Variants in ADAMTSL1 observed in about 807,000 individuals in gnomAD.
The protein encoded by ADAMTSL1 is ADAMTS like 1.
In ADAMTSL1, 126 loss-of-function variants were observed where a neutral mutation model predicts 201.8. That is an observed-to-expected ratio of 0.62 (90% CI 0.54 to 0.72). ADAMTSL1 has a LOEUF of 0.72. Ranked by LOEUF, ADAMTSL1 falls within the 30% of genes least tolerant of loss-of-function variation. The pLI, the probability that ADAMTSL1 is intolerant of heterozygous loss-of-function variation, is 0.00. For synonymous variants in ADAMTSL1, 1,121 were observed against 903.4 expected (o/e 1.24, Z -4.32); for missense variants, 2,679 against 2,277.8 (o/e 1.18, Z -3.59).
In ADAMTSL1 at chr9:18,344,072, C is replaced by T. The variant is rs187694667; in HGVS notation, c.208-160757C>T. Among the ~76,000 whole-genome samples, 324 of 152,242 alleles carry T rather than the reference C, an allele frequency of 2.1e-3. 1 individual carries two copies. Among genetic ancestry groups the T allele is most frequent in the Middle Eastern group, 0.014 (4 of 294 alleles). Reference sequence around the variant, plus strand: ...CTTTTTCAAAAAAACCATTAGATAACAGTCCTAAAGGCTGTCTATGCAGTC... The same window carrying T: ...CTTTTTCAAAAAAACCATTAGATAATAGTCCTAAAGGCTGTCTATGCAGTC... On this transcript the variant is annotated intron_variant, in intron 2 of 29. Coordinates refer to the ADAMTSL1 transcript ENST00000680146.
chr9:18,188,217 T>C (rs1398701108), intron 2 of ADAMTSL1, among the ~76,000 whole-genome samples: 1 of 152,146 alleles, frequency 6.6e-6, no homozygotes, highest in African/African-American at 2.4e-5. Context: ...ATGTAAAATC[T>C]GGAGTTGATT....
intron 2 of ADAMTSL1, among the ~76,000 whole-genome samples, chr9:18,313,950 C>T (rs553482952): frequency 8.5e-5 from 13 of 152,154 alleles, no homozygotes; most frequent in African/African-American, 2.9e-4. Context: ...GGTTAATATA[C>T]AAAACATATA....
In ADAMTSL1 at chr9:18,352,039, A is replaced by G. The variant is rs545324902; in HGVS notation, c.208-152790A>G. ...GATGGGATTTCTTGTCCTAGTAGCTATGTAGTGGCTAGGGTTTAACAAACT... is the reference window on the plus strand; with the variant it reads ...GATGGGATTTCTTGTCCTAGTAGCTGTGTAGTGGCTAGGGTTTAACAAACT... On this transcript the variant is annotated intron_variant, in intron 2 of 29. Coordinates refer to the ADAMTSL1 transcript ENST00000680146. 2.0e-4 allele frequency among the ~76,000 whole-genome samples: 31 copies of G among 152,214 alleles called. No homozygotes were observed. The South Asian group carries it at 6.2e-3, about 31-fold the overall frequency.
At chr9:18,714,893 A>C (rs1221032653) in intron 14 of ADAMTSL1, among the ~76,000 whole-genome samples, 3 of 150,454 alleles carry the variant, frequency 2.0e-5, no homozygotes, top group Non-Finnish European at 4.5e-5. Context: ...CAAAAAGCTT[A>C]TCCACCATGA....
upstream of ADAMTSL1, among the ~76,000 whole-genome samples, chr9:18,473,022 T>C (rs1158191390): frequency 1.3e-5 from 2 of 152,194 alleles, no homozygotes; most frequent in East Asian, 3.8e-4. Flanking sequence ...GACCTTCTCG[T>C]TGCTGTTGCT....
intron 15 of ADAMTSL1, among the ~76,000 whole-genome samples, chr9:18,743,819 T>G (rs956155786): frequency 5.9e-5 from 9 of 152,254 alleles, no homozygotes; most frequent in Non-Finnish European, 1.0e-4. Context: ...TTATCTTTTC[T>G]AGGCCTCTTT....
At chr9:18,447,259 C>T (rs981456248) in intron 2 of ADAMTSL1, among the ~76,000 whole-genome samples, 11 of 152,118 alleles carry the variant, frequency 7.2e-5, no homozygotes, top group Non-Finnish European at 1.3e-4. Flanking sequence ...AGCCAAATGC[C>T]GAATGACAGC....
intron 3 of ADAMTSL1, among the ~76,000 whole-genome samples, chr9:18,566,229 C>G (rs1484344591): frequency 6.6e-6 from 1 of 152,152 alleles, no homozygotes; most frequent in Non-Finnish European, 1.5e-5. Context: ...ATGAAAGCAG[C>G]ACTGGAGTTC....
intron 20 of ADAMTSL1, among the ~76,000 whole-genome samples, chr9:18,805,950 A>T (rs76049047): frequency 0.046 from 7,004 of 152,200 alleles, 228 homozygotes; most frequent in African/African-American, 0.092. Flanking sequence ...GTCTCTCTTC[A>T]CCCTGAGAAT....
intron 1 of ADAMTSL1, among the ~76,000 whole-genome samples, chr9:17,917,239 T>A (rs71504889): frequency 0.094 from 14,323 of 152,134 alleles, 778 homozygotes; most frequent in South Asian, 0.2. Flanking sequence ...ATGTCTTTTA[T>A]GAAATTTTTT....
At chr9:18,486,041 G>C (rs1433975132) in intron 1 of ADAMTSL1, among the ~76,000 whole-genome samples, 1 of 152,216 alleles carries the variant, frequency 6.6e-6, no homozygotes, top group Admixed American at 6.5e-5. Context: ...TGAGGCCTCA[G>C]AGGCTCTTAT....
chr9:17,947,859 T>A (rs1211799594), intron 1 of ADAMTSL1, among the ~76,000 whole-genome samples: 1 of 152,144 alleles, frequency 6.6e-6, no homozygotes, highest in Non-Finnish European at 1.5e-5. Context: ...GAACGAAAAG[T>A]CATGCGTCAA....
At chr9:18,314,404 C>T (rs907545925) in intron 2 of ADAMTSL1, among the ~76,000 whole-genome samples, 45 of 152,130 alleles carry the variant, frequency 3.0e-4, no homozygotes, top group African/African-American at 9.1e-4. Flanking sequence ...ATGGTGTATC[C>T]GGAGTTTGTT....
At chr9:18,251,311 TATAAA>T (rs1210395312) in intron 2 of ADAMTSL1, among the ~76,000 whole-genome samples, 1 of 152,056 alleles carries the variant, frequency 6.6e-6, no homozygotes, top group Non-Finnish European at 1.5e-5. Context: ...ATTAATAACA[TATAAA>T]ATAGTTTTCT....
At chr9:18,068,123 G>A (rs374195248) in intron 1 of ADAMTSL1, among the ~76,000 whole-genome samples, 6 of 152,194 alleles carry the variant, frequency 3.9e-5, no homozygotes, top group South Asian at 2.1e-4. Flanking sequence ...GGCCAAAAAC[G>A]TACTTCCTGT....
intron 23 of ADAMTSL1, among the ~76,000 whole-genome samples, chr9:18,851,330 C>G (rs1435247649): frequency 6.6e-6 from 1 of 152,092 alleles, no homozygotes; most frequent in African/African-American, 2.4e-5. Flanking sequence ...AATACCTGCT[C>G]TATGAATTTA....
At position 18,227,443 on chromosome 9, in the gene ADAMTSL1, A is replaced by G. The variant is rs78305310; in HGVS notation, c.207+63462A>G. Among the ~76,000 whole-genome samples, 21 of 152,308 alleles carry G rather than the reference A, an allele frequency of 1.4e-4. No individual in the cohort carries two copies. The East Asian group carries it at 3.9e-3, about 28-fold the overall frequency. On this transcript the variant is annotated intron_variant, in intron 2 of 29. Coordinates refer to the ADAMTSL1 transcript ENST00000680146. ...TCAGAGTGTTCCTCTAATGTTGTCT[A>G]TAGATTATAAACTCACGGCAAGGTA...
intron 1 of ADAMTSL1, among the ~76,000 whole-genome samples, chr9:17,958,930 A>G (rs1343814057): frequency 6.6e-6 from 1 of 152,144 alleles, no homozygotes; most frequent in Non-Finnish European, 1.5e-5. Context: ...TTAAATCAAG[A>G]CCCTGTAAGT....
At chr9:18,784,529 C>A (rs1343716218) in intron 19 of ADAMTSL1, among the ~76,000 whole-genome samples, 1 of 152,156 alleles carries the variant, frequency 6.6e-6, no homozygotes, top group African/African-American at 2.4e-5. Context: ...GATACCTGTT[C>A]CTAACCAAAC....
Sources: gnomAD v4.1 joint callset for allele counts (sites outside exome capture counted in the v4.1 genomes callset) on GRCh38, gnomAD v4.1.1 for gene constraint, MANE v1.5 for transcripts, NCBI Gene and HGNC (gene_info 2026-07-23, HGNC 2026-07-21) for gene names.